JAZF1: variants seen among roughly 807,000 people sequenced by gnomAD.
JAZF1 encodes the protein juxtaposed with another zinc finger protein 1.
In JAZF1, 8 loss-of-function variants were observed where a neutral mutation model predicts 26.4. The ratio of observed to expected loss-of-function variants is 0.30; its 90% CI spans 0.18 to 0.55. The LOEUF (loss-of-function observed/expected upper bound fraction) is 0.55. Among genes scored for constraint, JAZF1 ranks in the 20% least tolerant of loss-of-function variants. The pLI, the probability that JAZF1 is intolerant of heterozygous loss-of-function variation, is 0.94. For missense variants in JAZF1, 199 were observed against 322.0 expected, an observed-to-expected ratio of 0.62 and a Z score of 2.92; for synonymous variants, 126 against 122.3, an observed-to-expected ratio of 1.03 and a Z score of -0.20.
chr7:28,121,424 C>T (rs1299450737), intron 1 of JAZF1, among the ~76,000 whole-genome samples: 1 of 152,108 alleles, frequency 6.6e-6, no homozygotes, highest in Admixed American at 6.5e-5. Context: ...CTGGTAGAGT[C>T]CAGGAATCAT....
chr7:28,133,059 C>T (rs924224995), intron 1 of JAZF1, among the ~76,000 whole-genome samples: 1 of 152,168 alleles, frequency 6.6e-6, no homozygotes, highest in Non-Finnish European at 1.5e-5. Flanking sequence ...CTCACCTCTT[C>T]CCAAAAAAGA....
At chr7:28,012,748 G>C (rs1004422380) in intron 1 of JAZF1, among the ~76,000 whole-genome samples, 3 of 152,244 alleles carry the variant, frequency 2.0e-5, no homozygotes, top group African/African-American at 4.8e-5. Context: ...TGAGGGTTGA[G>C]ATGTGGACAG....
chr7:27,837,703 TACTG>T (rs1454015551), intron 4 of JAZF1, among the ~76,000 whole-genome samples: 3 of 151,910 alleles, frequency 2.0e-5, no homozygotes, highest in Non-Finnish European at 4.4e-5. Context: ...AAATGAGAGA[TACTG>T]AGGGAGAGAG....
chr7:27,922,298 G>A (rs1784542968), intron 2 of JAZF1, among the ~76,000 whole-genome samples: 1 of 152,194 alleles, frequency 6.6e-6, no homozygotes, highest in East Asian at 1.9e-4. Context: ...AGGCTGGAGT[G>A]CAGTGGCACG....
chr7:27,976,985 T>G (rs564504083), intron 2 of JAZF1, among the ~76,000 whole-genome samples: 2 of 152,316 alleles, frequency 1.3e-5, no homozygotes, highest in East Asian at 3.9e-4. Context: ...GCATCCAGAC[T>G]GATTTTATTT....
At chr7:28,068,636 T>C (rs1439722063) in intron 1 of JAZF1, among the ~76,000 whole-genome samples, 1 of 152,110 alleles carries the variant, frequency 6.6e-6, no homozygotes, top group African/African-American at 2.4e-5. Context: ...GTTTACATTA[T>C]AGGTTTTGAG....
At chr7:27,974,326 G>T (rs536325290) in intron 2 of JAZF1, among the ~76,000 whole-genome samples, 20 of 152,232 alleles carry the variant, frequency 1.3e-4, no homozygotes, top group African/African-American at 4.3e-4. Context: ...TTAGGGAGAG[G>T]CCACCGCTTT....
intron 1 of JAZF1, among the ~76,000 whole-genome samples, chr7:28,169,567 G>A (rs745895438): frequency 1.8e-4 from 28 of 152,196 alleles, no homozygotes; most frequent in Non-Finnish European, 3.7e-4. Flanking sequence ...AAACTGAGAT[G>A]AGCTCAATGA....
intron 1 of JAZF1, among the ~76,000 whole-genome samples, chr7:28,145,691 C>CAT (rs1244301554): frequency 6.6e-6 from 1 of 151,230 alleles, no homozygotes; most frequent in Non-Finnish European, 1.5e-5. Context: ...CTGGCAAATG[C>CAT]ATATAGTTGG....
intron 1 of JAZF1, among the ~76,000 whole-genome samples, chr7:28,177,274 G>C (rs1214175593): frequency 2.6e-5 from 4 of 152,066 alleles, no homozygotes; most frequent in Non-Finnish European, 5.9e-5. Flanking sequence ...TAAAAAAGTG[G>C]GTGGTGAAAA....
At chr7:27,880,815 C>T (rs1424753258) in intron 3 of JAZF1, among the ~76,000 whole-genome samples, 1 of 152,104 alleles carries the variant, frequency 6.6e-6, no homozygotes, top group Non-Finnish European at 1.5e-5. Context: ...CAGGCACATG[C>T]CACTGCACCT....
At position 28,158,883 on chromosome 7, in the gene JAZF1, T is replaced by C. The variant is rs147621975; in HGVS notation, c.115+21580A>G. Among the ~76,000 whole-genome samples the C allele has an allele frequency of 1.4e-4, 21 of 152,266 alleles. No homozygotes were observed. In the East Asian group the frequency reaches 2.3e-3, roughly 17 times the overall value. On this transcript the variant is annotated intron_variant, in intron 1 of 4. Coordinates refer to ENST00000283928, the MANE Select transcript of JAZF1 (RefSeq NM_175061.4). ...ATGTCAAGAAAATGAGCTGCTCATT[T>C]TGGCTCTCCACTCATGGCTTTAGGC...
chr7:28,015,266 C>G (rs1434763936), intron 1 of JAZF1, among the ~76,000 whole-genome samples: 1 of 151,964 alleles, frequency 6.6e-6, no homozygotes. Flanking sequence ...CTGAGACAAC[C>G]AAGATAAGCT....
chr7:28,034,208 A>G (rs1046517215), intron 1 of JAZF1, among the ~76,000 whole-genome samples: 5 of 152,228 alleles, frequency 3.3e-5, no homozygotes, highest in African/African-American at 1.2e-4. Flanking sequence ...ACACATGCAC[A>G]CACACACACG....
chr7:27,987,633 C>G (rs1358551055), intron 2 of JAZF1, among the ~76,000 whole-genome samples: 3 of 151,986 alleles, frequency 2.0e-5, no homozygotes, highest in Non-Finnish European at 4.4e-5. Flanking sequence ...CTCTGCCCGG[C>G]TGCCCCATCT....
rs72501870 is a variant in JAZF1, at chr7:28,004,401, TAA to T, written c.116-12422_116-12421del. On this transcript the variant is annotated intron_variant, in intron 1 of 4. Transcript: ENST00000283928. Reference sequence around the variant, plus strand: ...GCCCATTATTATCACCTGGGTAACTTAAAAAAAAAAAAAGTCTGATGCCAAGG... The same window carrying T: ...GCCCATTATTATCACCTGGGTAACTTAAAAAAAAAAAGTCTGATGCCAAGG... 0.025 allele frequency among the ~76,000 whole-genome samples: 3,608 copies of T among 143,220 alleles called. 272 individuals are homozygous for T. In the East Asian group the frequency reaches 0.31, roughly 12 times the overall value. 94.0% of individuals were successfully genotyped at this position (143,220 alleles called of 152,430 possible). A position where few individuals can be genotyped will look rare whatever the true frequency, so the allele number is the denominator to read the frequency against.
At chr7:27,853,760 C>T (rs1783193787) in intron 3 of JAZF1, among the ~76,000 whole-genome samples, 2 of 152,066 alleles carry the variant, frequency 1.3e-5, no homozygotes, top group African/African-American at 4.8e-5. Flanking sequence ...GATTTCTGTT[C>T]GTTTGCATTT....
intron 1 of JAZF1, among the ~76,000 whole-genome samples, chr7:28,017,771 T>C (rs556930355): frequency 1.3e-5 from 2 of 149,496 alleles, no homozygotes; most frequent in South Asian, 2.1e-4. Flanking sequence ...GTTTTTGTTG[T>C]TGTTGTTTGT....
chr7:28,140,670 CAT>C (rs1782948350), intron 1 of JAZF1, among the ~76,000 whole-genome samples: 1 of 152,116 alleles, frequency 6.6e-6, no homozygotes, highest in Non-Finnish European at 1.5e-5. Flanking sequence ...CATCATAGCA[CAT>C]AGAGTCAATA....
Sources: allele counts gnomAD v4.1 joint callset (sites outside exome capture counted in the v4.1 genomes callset), GRCh38; gene constraint gnomAD v4.1.1; transcripts MANE v1.5; gene names NCBI Gene and HGNC (gene_info 2026-07-23, HGNC 2026-07-21).